Variants in ZNF236 observed in about 807,000 individuals in gnomAD.
ZNF236 encodes the protein regulated by glucose.
ZNF236 carries 50 observed loss-of-function variants against 191.2 expected under a neutral mutation model. The ratio of observed to expected loss-of-function variants is 0.26; its 90% CI spans 0.21 to 0.33. The LOEUF (loss-of-function observed/expected upper bound fraction) is 0.33. Among genes scored for constraint, ZNF236 ranks in the 10% least tolerant of loss-of-function variants. The pLI is 1.00. For missense variants in ZNF236, 1,754 were observed against 2,374.5 expected, an observed-to-expected ratio of 0.74 and a Z score of 5.43; for synonymous variants, 907 against 928.8, an observed-to-expected ratio of 0.98 and a Z score of 0.43.
chr18:76,969,817 T>C lies in ZNF236; in HGVS notation c.*1478T>C, dbSNP rs1234705357. 1 of 152,660 alleles carries C rather than the reference T, an allele frequency of 6.6e-6. No individual in the cohort carries two copies. The highest frequency in any genetic ancestry group is 2.4e-5 in the African/African-American group (1 of 41,472). 9.5% of individuals were successfully genotyped at this position (152,660 alleles called of 1,614,324 possible). A position where few individuals can be genotyped will look rare whatever the true frequency, so the allele number is the denominator to read the frequency against. On this transcript the variant is annotated 3_prime_UTR_variant, in exon 31 of 31. Coordinates refer to ENST00000320610, the MANE Select transcript of ZNF236 (RefSeq NM_001306089.2). ...TTTTTTTGTTGTTGTTGTTCACTTT[T>C]GGCATATGTATATAAGTAATATTGA...
intron 29 of ZNF236, among the ~76,000 whole-genome samples, 153 bp downstream of exon 29, chr18:76,959,969 C>G (rs1300884053): frequency 6.6e-6 from 1 of 152,144 alleles, no homozygotes; most frequent in East Asian, 1.9e-4. Flanking sequence ...GAGTTTTGAC[C>G]TATTTATTGT....
At chr18:76,926,794 AGT>A (rs1967703411) in intron 22 of ZNF236, among the ~76,000 whole-genome samples, 1 of 42,952 alleles carries the variant, frequency 2.3e-5, no homozygotes, top group Non-Finnish European at 5.3e-5. Flanking sequence ...GTGATTAGAC[AGT>A]GTGTGTGTAT....
rs749909388 is a variant in ZNF236 at position 76,971,178 on chromosome 18, A to G, written c.*2839A>G. On this transcript the variant is annotated 3_prime_UTR_variant, in exon 31 of 31. Coordinates refer to ENST00000320610, the MANE Select transcript of ZNF236 (RefSeq NM_001306089.2). ...AGCAGGAGGCATGTAGCATGTGTGG[A>G]GTCCCACCTGCTAGATAATGCCCAA... Among the ~76,000 whole-genome samples, 1 of 152,272 alleles carries G rather than the reference A, an allele frequency of 6.6e-6. No homozygotes were observed. The highest frequency in any genetic ancestry group is 2.4e-5 in the African/African-American group (1 of 41,476).
chr18:76,864,148 G>A (rs1347784356), intron 3 of ZNF236, among the ~76,000 whole-genome samples: 1 of 151,950 alleles, frequency 6.6e-6, no homozygotes, highest in Non-Finnish European at 1.5e-5. Context: ...TGCAGATTTG[G>A]GGCTTGTCAG....
At chr18:76,824,862 G>T (rs897440032) in intron 1 of ZNF236, among the ~76,000 whole-genome samples, 7 of 152,122 alleles carry the variant, frequency 4.6e-5, no homozygotes, top group Admixed American at 2.0e-4. Context: ...CTCCCTCTCC[G>T]GGCTGGAGAG....
At chr18:76,966,286 ATAGT>A (rs1233797952) in intron 30 of ZNF236, among the ~76,000 whole-genome samples, 1 of 152,038 alleles carries the variant, frequency 6.6e-6, no homozygotes, top group Non-Finnish European at 1.5e-5. Context: ...TGTTACTTTA[ATAGT>A]TAGTGTTTGC....
chr18:76,829,554 C>T (rs761906048), intron 1 of ZNF236, among the ~76,000 whole-genome samples: 2 of 152,180 alleles, frequency 1.3e-5, no homozygotes, highest in Non-Finnish European at 1.5e-5. Flanking sequence ...TCTCAACTTC[C>T]TGGACTCAAG....
At chr18:76,864,708 G>A (rs1976354351) in intron 3 of ZNF236, among the ~76,000 whole-genome samples, 1 of 149,974 alleles carries the variant, frequency 6.7e-6, no homozygotes, top group Admixed American at 6.7e-5. Context: ...GAAATACTCA[G>A]GACAGTGATA....
intron 3 of ZNF236, among the ~76,000 whole-genome samples, chr18:76,865,471 T>A (rs1469620912): frequency 1.3e-5 from 2 of 152,206 alleles, no homozygotes; most frequent in Non-Finnish European, 2.9e-5. Flanking sequence ...TAGTGACAGC[T>A]GTTGGAATTA....
intron 26 of ZNF236, among the ~76,000 whole-genome samples, chr18:76,947,265 T>C (rs998718806): frequency 6.6e-6 from 1 of 152,204 alleles, no homozygotes; most frequent in Non-Finnish European, 1.5e-5. Context: ...CACATTTTCA[T>C]TTGTGCATTT....
At chr18:76,856,471 C>T (rs189356688) in intron 3 of ZNF236, among the ~76,000 whole-genome samples, 182 of 152,354 alleles carry the variant, frequency 1.2e-3, no homozygotes, top group African/African-American at 4.3e-3. Flanking sequence ...GCATGAGCCG[C>T]TGCACCTGGC....
intron 25 of ZNF236, among the ~76,000 whole-genome samples, chr18:76,935,728 A>G (rs1481790217): frequency 6.6e-6 from 1 of 152,202 alleles, no homozygotes; most frequent in Non-Finnish European, 1.5e-5. Context: ...ACGTACCCGC[A>G]GGCTAGTGTG....
chr18:76,933,046 G>C (rs551921478), intron 25 of ZNF236, among the ~76,000 whole-genome samples: 55 of 152,326 alleles, frequency 3.6e-4, no homozygotes, highest in African/African-American at 1.3e-3. Flanking sequence ...CAGGGCAGGC[G>C]AGCTGTCCTC....
intron 30 of ZNF236, among the ~76,000 whole-genome samples, chr18:76,964,089 C>T (rs1334634150): frequency 1.3e-5 from 2 of 152,162 alleles, no homozygotes; most frequent in Non-Finnish European, 1.5e-5. Context: ...TTGGTTATTT[C>T]CTTTCTTCTG....
intron 19 of ZNF236, among the ~76,000 whole-genome samples, chr18:76,918,102 G>C (rs1413424054): frequency 6.6e-6 from 1 of 152,036 alleles, no homozygotes; most frequent in Non-Finnish European, 1.5e-5. Context: ...TGTTTCTGTT[G>C]AGTTGTAAGT....
chr18:76,916,020 C>T (rs1007399582), intron 19 of ZNF236, among the ~76,000 whole-genome samples, 161 bp downstream of exon 19: 1 of 152,220 alleles, frequency 6.6e-6, no homozygotes, highest in Non-Finnish European at 1.5e-5. Flanking sequence ...GAAAGCCATA[C>T]ATGCTCTTGG....
chr18:76,881,142 A>T, intron 8 of ZNF236, 142 bp from the exon 9 acceptor site: 1 of 730,674 alleles, frequency 1.4e-6, no homozygotes, highest in Non-Finnish European at 2.2e-6. Context: ...TGGAAGCCTC[A>T]CTTATAAGTG....
At chr18:76,860,425 GT>G (rs143773226) in intron 3 of ZNF236, among the ~76,000 whole-genome samples, 450 of 152,332 alleles carry the variant, frequency 3.0e-3, no homozygotes, top group African/African-American at 0.01. Flanking sequence ...AGAAACAACT[GT>G]TAGCTGTCAT....
At chr18:76,884,531 G>A (rs1415783486) in intron 9 of ZNF236, among the ~76,000 whole-genome samples, 1 of 152,158 alleles carries the variant, frequency 6.6e-6, no homozygotes, top group Non-Finnish European at 1.5e-5. Context: ...AAACTATTGT[G>A]TGTGGAAACT....
Sources: gnomAD v4.1 joint callset for allele counts (sites outside exome capture counted in the v4.1 genomes callset) on GRCh38, gnomAD v4.1.1 for gene constraint, MANE v1.5 for transcripts, NCBI Gene and HGNC (gene_info 2026-07-23, HGNC 2026-07-21) for gene names.